Variants in TTC6 observed in about 807,000 individuals in gnomAD.
The protein encoded by TTC6 is tetratricopeptide repeat protein 6.
TTC6 carries 172 observed loss-of-function variants against 210.4 expected under a neutral mutation model. The observed-to-expected ratio is 0.82, with a 90% CI of 0.72 to 0.93. TTC6 has a LOEUF of 0.93. Among genes scored for constraint, TTC6 ranks in the 40% least tolerant of loss-of-function variants. The pLI is 0.00. For synonymous variants in TTC6, 804 were observed against 819.6 expected, an observed-to-expected ratio of 0.98 and a Z score of 0.32; for missense variants, 2,414 against 2,318.1, an observed-to-expected ratio of 1.04 and a Z score of -0.85.
In TTC6 at chr14:37,734,464, G is replaced by A. The variant is rs577315894; in HGVS notation, c.1819-1457G>A. On this transcript the variant is annotated intron_variant, in intron 7 of 30. Transcript: ENST00000553443. The stretch of plus-strand genomic sequence containing the variant: ...TTGAATAGTAGGCTTACCTTTTCTG[G>A]TACCTTGTCTTTTCTCAGATTTTGG... Among the ~76,000 whole-genome samples the A allele has an allele frequency of 5.0e-4, 76 of 152,200 alleles. 1 individual carries two copies. The highest frequency in any genetic ancestry group is 1.8e-3 in the African/African-American group (73 of 41,534).
chr14:37,690,747 C>T (rs1355868226), intron 3 of TTC6, among the ~76,000 whole-genome samples: 3 of 151,744 alleles, frequency 2.0e-5, no homozygotes, highest in Non-Finnish European at 2.9e-5. Context: ...ATTAGGGAGT[C>T]AAAGAGGGAG....
At chr14:37,801,363 G>A (rs575315825) in intron 20 of TTC6, among the ~76,000 whole-genome samples, 29 of 152,224 alleles carry the variant, frequency 1.9e-4, no homozygotes, top group South Asian at 6.2e-4. Context: ...TATATTTTGC[G>A]TGTGGCAAGA....
intron 10 of TTC6, among the ~76,000 whole-genome samples, chr14:37,740,908 TA>T (rs897364228): frequency 3.3e-5 from 5 of 152,124 alleles, no homozygotes; most frequent in Non-Finnish European, 7.4e-5. Context: ...GACTTCTATC[TA>T]AAAAAAGGAT....
intron 1 of TTC6, among the ~76,000 whole-genome samples, chr14:37,661,388 G>A (rs1165955451): frequency 1.3e-5 from 2 of 152,142 alleles, no homozygotes; most frequent in Non-Finnish European, 1.5e-5. Context: ...TTCTGCAAAT[G>A]GATAGCCAGT....
At chr14:37,770,695 G>T (rs982112768) in intron 14 of TTC6, among the ~76,000 whole-genome samples, 8 of 150,032 alleles carry the variant, frequency 5.3e-5, no homozygotes, top group African/African-American at 2.0e-4. Context: ...GCCTATGTGT[G>T]TCTCTGCACG....
intron 2 of TTC6, among the ~76,000 whole-genome samples, chr14:37,614,782 T>C (rs1390043585): frequency 6.6e-6 from 1 of 152,218 alleles, no homozygotes; most frequent in African/African-American, 2.4e-5. Flanking sequence ...AGTCTTGCTG[T>C]GTTGCCCAGG....
In TTC6 at chr14:37,748,960, TC is replaced by T; in HGVS notation, c.2387del (p.Pro796ArgfsTer26). On this transcript the variant is annotated frameshift_variant, in exon 11 of 31. Transcript: ENST00000553443. LOFTEE classifies it high-confidence loss of function. ...CTAGATCAGCATCTCATGGAATACT[TC>T]CGGGACAGAAGAAATATTTGTTCAA... The T allele has an allele frequency of 6.6e-7, 1 of 1,521,082 alleles. No individual in the cohort carries two copies. The highest frequency in any genetic ancestry group is 2.5e-5 in the East Asian group (1 of 40,686). 94.2% of individuals were successfully genotyped at this position (1,521,082 alleles called of 1,614,324 possible).
At chr14:37,654,844 G>T (rs2095719076) in intron 1 of TTC6, among the ~76,000 whole-genome samples, 1 of 152,122 alleles carries the variant, frequency 6.6e-6, no homozygotes, top group African/African-American at 2.4e-5. Context: ...CCAGAATATG[G>T]TCAAGTCAGG....
At chr14:37,661,065 C>T (rs554037958) in intron 1 of TTC6, among the ~76,000 whole-genome samples, 52 of 152,096 alleles carry the variant, frequency 3.4e-4, no homozygotes, top group African/African-American at 1.1e-3. Context: ...GTTTGAGTTC[C>T]TTTGTAGATT....
intron 4 of TTC6, among the ~76,000 whole-genome samples, 154 bp downstream of exon 6, chr14:37,696,989 A>G (rs1409241414): frequency 6.6e-6 from 1 of 152,118 alleles, no homozygotes; most frequent in Admixed American, 6.6e-5. Context: ...AGTTGGTGGC[A>G]GATTTTACAG....
intron 10 of TTC6, among the ~76,000 whole-genome samples, chr14:37,742,610 G>C (rs1406194944): frequency 1.3e-5 from 2 of 151,560 alleles, no homozygotes; most frequent in South Asian, 2.1e-4. Context: ...TAGAGGCAGG[G>C]TTTCGCCATG....
chr14:37,795,460 A>C (rs2096090499), intron 18 of TTC6, 108 bp downstream of exon 20: 1 of 616,968 alleles, frequency 1.6e-6, no homozygotes, highest in South Asian at 3.3e-5. Flanking sequence ...TTTTACATTT[A>C]ATCTCCCAGC....
chr14:37,821,575 G>A (rs1414242159), intron 26 of TTC6, among the ~76,000 whole-genome samples: 3 of 151,960 alleles, frequency 2.0e-5, no homozygotes, highest in Admixed American at 6.6e-5. Flanking sequence ...TGATCTTCTA[G>A]AAGAACACCT....
At chr14:37,669,687 G>T (rs2095754739) in intron 1 of TTC6, among the ~76,000 whole-genome samples, 1 of 152,070 alleles carries the variant, frequency 6.6e-6, no homozygotes, top group Non-Finnish European at 1.5e-5. Flanking sequence ...AATGAATGCT[G>T]AATTTGTTTT....
At chr14:37,756,410 A>G (rs1207240430) in intron 14 of TTC6, among the ~76,000 whole-genome samples, 1 of 152,188 alleles carries the variant, frequency 6.6e-6, no homozygotes, top group Non-Finnish European at 1.5e-5. Flanking sequence ...TGAGAGAGGC[A>G]TCCTTGTCTT....
At chr14:37,742,165 A>G (rs1203821575) in intron 10 of TTC6, among the ~76,000 whole-genome samples, 1 of 152,158 alleles carries the variant, frequency 6.6e-6, no homozygotes, top group Non-Finnish European at 1.5e-5. Context: ...CCTGTTTGCC[A>G]ATGGCGTTCC....
intron 9 of TTC6, among the ~76,000 whole-genome samples, chr14:37,738,175 T>C (rs2095907123): frequency 1.3e-5 from 2 of 149,962 alleles, no homozygotes; most frequent in South Asian, 4.2e-4. Flanking sequence ...TAAAATTATA[T>C]AATTATTAAT....
chr14:37,664,345 C>T (rs574881351), intron 1 of TTC6, among the ~76,000 whole-genome samples: 4 of 150,546 alleles, frequency 2.7e-5, no homozygotes, highest in East Asian at 1.9e-4. Flanking sequence ...AGAAATGAGA[C>T]GTCGCACCTA....
chr14:37,675,093 A>T (rs1189812761), intron 1 of TTC6, among the ~76,000 whole-genome samples: 1 of 152,076 alleles, frequency 6.6e-6, no homozygotes, highest in African/African-American at 2.4e-5. Context: ...TATAATGTAA[A>T]ATTAACCATC....
Sources: gnomAD v4.1 joint callset for allele counts (sites outside exome capture counted in the v4.1 genomes callset) on GRCh38, gnomAD v4.1.1 for gene constraint, MANE v1.5 for transcripts, NCBI Gene and HGNC (gene_info 2026-07-23, HGNC 2026-07-21) for gene names.